The following MAML3 variants were observed in gnomAD, a reference collection of about 807,000 sequenced individuals.
The protein encoded by MAML3 is mastermind like transcriptional coactivator 3, also known as mastermind-like protein 3.
Under a neutral mutation model 101.9 loss-of-function variants are expected in MAML3, and 27 were observed. The observed-to-expected ratio is 0.27, with a 90% confidence interval of 0.20 to 0.37. The LOEUF (loss-of-function observed/expected upper bound fraction) is 0.37. Ranked by LOEUF, MAML3 falls within the 10% of genes least tolerant of loss-of-function variation. The pLI, the probability that MAML3 is intolerant of heterozygous loss-of-function variation, is 1.00. For synonymous variants in MAML3, 501 were observed against 555.9 expected (o/e 0.90, Z 1.39); for missense variants, 1,316 against 1,444.9 (o/e 0.91, Z 1.45).
intron 2 of MAML3, among the ~76,000 whole-genome samples, chr4:139,857,851 AT>A (rs1463866569): frequency 6.6e-6 from 1 of 152,176 alleles, no homozygotes; most frequent in Non-Finnish European, 1.5e-5. Flanking sequence ...TTAACCTTCC[AT>A]CATATGATTT....
intron 1 of MAML3, among the ~76,000 whole-genome samples, chr4:140,138,796 G>A (rs1267758314): frequency 6.6e-6 from 1 of 152,190 alleles, no homozygotes; most frequent in Non-Finnish European, 1.5e-5. Context: ...GACTCTGGCA[G>A]TATTATCACT....
At chr4:139,728,163 C>T (rs1579365881) in intron 3 of MAML3, among the ~76,000 whole-genome samples, 1 of 151,966 alleles carries the variant, frequency 6.6e-6, no homozygotes, top group South Asian at 2.1e-4. Flanking sequence ...TGTAGTGAGC[C>T]GAGATCATGC....
intron 1 of MAML3, 47 bp downstream of exon 1, chr4:140,152,813 C>CCCCACCCCCA: frequency 1.9e-6 from 3 of 1,579,446 alleles, no homozygotes; most frequent in South Asian, 1.2e-5. Flanking sequence ...CCACCACCAC[C>CCCCACCCCCA]ACCACCCCCA....
chr4:139,917,731 C>T (rs1733052011), intron 1 of MAML3, among the ~76,000 whole-genome samples: 2 of 152,142 alleles, frequency 1.3e-5, no homozygotes, highest in Admixed American at 6.5e-5. Context: ...TAATGAGCTT[C>T]CTGTCCCTTG....
At chr4:139,901,518 A>T (rs1163701143) in intron 1 of MAML3, among the ~76,000 whole-genome samples, 1 of 152,264 alleles carries the variant, frequency 6.6e-6, no homozygotes, top group East Asian at 1.9e-4. Flanking sequence ...ACATGCTTGT[A>T]TACATGACCT....
intron 2 of MAML3, among the ~76,000 whole-genome samples, chr4:139,773,847 G>A (rs1181335322): frequency 4.6e-5 from 7 of 152,216 alleles, no homozygotes. Context: ...ACTCAGATTT[G>A]AGACAGGCAC....
intron 1 of MAML3, among the ~76,000 whole-genome samples, chr4:140,040,146 GACACAC>G (rs1476422027): frequency 6.6e-6 from 1 of 152,184 alleles, no homozygotes; most frequent in Non-Finnish European, 1.5e-5. Flanking sequence ...TGGTCTCAGA[GACACAC>G]AGGGAGAAGA....
chr4:139,746,669 G>A lies in MAML3; in HGVS notation c.2080-16002C>T, dbSNP rs540120922. 3.9e-4 allele frequency among the ~76,000 whole-genome samples: 60 copies of A among 152,220 alleles called. 1 individual carries two copies. The highest frequency in any genetic ancestry group is 3.7e-3 in the Admixed American group (56 of 15,288). On this transcript the variant is annotated intron_variant, in intron 2 of 4. Transcript: ENST00000509479. ...TCTAAAGGAACAAGATTCCGCAGAC[G>A]TTTGACACTGGACCTCCGCAGGCAG...
chr4:140,094,845 G>A (rs982019796), intron 1 of MAML3, among the ~76,000 whole-genome samples: 8 of 152,206 alleles, frequency 5.3e-5, no homozygotes, highest in African/African-American at 1.9e-4. Flanking sequence ...GTCATGAAGT[G>A]TGCAATAAGC....
intron 1 of MAML3, among the ~76,000 whole-genome samples, chr4:140,008,566 T>C (rs536885825): frequency 2.0e-5 from 3 of 151,672 alleles, no homozygotes; most frequent in South Asian, 2.1e-4. Flanking sequence ...TGGTAAGAGA[T>C]GAAAAAGCAA....
At chr4:139,989,882 C>CAGAGAGAGAG (rs141031028) in intron 1 of MAML3, among the ~76,000 whole-genome samples, 2 of 63,070 alleles carry the variant, frequency 3.2e-5, no homozygotes, top group Non-Finnish European at 6.3e-5. Context: ...CACACACACA[C>CAGAGAGAGAG]AGAGAGAGAG....
chr4:140,062,205 A>ATACC (rs142476942), intron 1 of MAML3, among the ~76,000 whole-genome samples: 2,124 of 152,298 alleles, frequency 0.014, 16 homozygotes, highest in South Asian at 0.029. Context: ...TTTGAGTAAC[A>ATACC]TACCTTCAGA....
intron 1 of MAML3, among the ~76,000 whole-genome samples, chr4:140,073,515 T>C (rs1342605529): frequency 6.6e-6 from 1 of 152,122 alleles, no homozygotes; most frequent in African/African-American, 2.4e-5. Context: ...CCTGGTGTTT[T>C]GATCTTTCTC....
chr4:139,775,389 T>C, intron 2 of MAML3, among the ~76,000 whole-genome samples: 1 of 152,148 alleles, frequency 6.6e-6, no homozygotes, highest in East Asian at 1.9e-4. Context: ...GCACCCTCTG[T>C]GGGTTCCAGG....
chr4:140,000,587 C>G (rs1435710714), intron 1 of MAML3, among the ~76,000 whole-genome samples: 1 of 152,162 alleles, frequency 6.6e-6, no homozygotes, highest in East Asian at 1.9e-4. Context: ...ACTATAGGGC[C>G]AGTTACCCAA....
intron 1 of MAML3, among the ~76,000 whole-genome samples, chr4:140,012,680 C>T (rs1472260947): frequency 1.3e-5 from 2 of 152,130 alleles, no homozygotes; most frequent in Non-Finnish European, 2.9e-5. Context: ...ACCTTTTTAC[C>T]CAGCCAGTCA....
rs1340458328 is a variant in MAML3 at position 139,717,349 on chromosome 4, T to TATG, written c.*1971_*1973dup. On this transcript the variant is annotated 3_prime_UTR_variant, in exon 5 of 5. Transcript: ENST00000509479. The stretch of plus-strand genomic sequence containing the variant: ...CCTGTACCTTTCAGGAAAAGGTAAT[T>TATG]ATGTTTTGTGTCTTCTCATTTGTTT... The TATG allele has an allele frequency of 6.6e-6, 1 of 152,572 alleles. No individual in the cohort carries two copies. The highest frequency in any genetic ancestry group is 6.5e-5 in the Admixed American group (1 of 15,286). The allele number at this position is 152,572 out of a possible 1,614,324, so 9.5% of individuals were successfully genotyped here.
chr4:140,150,460 T>C (rs1245935775), intron 1 of MAML3, among the ~76,000 whole-genome samples: 1 of 152,188 alleles, frequency 6.6e-6, no homozygotes, highest in Non-Finnish European at 1.5e-5. Context: ...TCTACTCATC[T>C]TGCCGTGTCC....
chr4:139,887,670 G>T (rs972399787), intron 2 of MAML3, among the ~76,000 whole-genome samples: 6 of 152,172 alleles, frequency 3.9e-5, no homozygotes, highest in African/African-American at 1.4e-4. Context: ...CCTGTGAACT[G>T]GAATTAATTA....
Sources: allele counts gnomAD v4.1 joint callset (sites outside exome capture counted in the v4.1 genomes callset), GRCh38; gene constraint gnomAD v4.1.1; transcripts MANE v1.5; gene names NCBI Gene and HGNC (gene_info 2026-07-23, HGNC 2026-07-21).